Variants in UBR3 observed in about 807,000 individuals in gnomAD.
The protein encoded by UBR3 is ubiquitin protein ligase E3 component n-recognin 3, also known as E3 ubiquitin-protein ligase UBR3.
UBR3 carries 85 observed loss-of-function variants against 243.2 expected under a neutral mutation model. The ratio of observed to expected loss-of-function variants is 0.35; its 90% confidence interval spans 0.29 to 0.42. UBR3 has a LOEUF of 0.42. Among genes scored for constraint, UBR3 ranks in the 10% least tolerant of loss-of-function variants. UBR3 has a pLI of 1.00. For missense variants in UBR3, 1,686 were observed against 2,300.8 expected (o/e 0.73, Z 5.47); for synonymous variants, 748 against 799.8 (o/e 0.94, Z 1.09).
chr2:169,947,461 T>G, intron 21 of UBR3, 81 bp from the exon 22 acceptor site: 4 of 1,130,788 alleles, frequency 3.5e-6, no homozygotes, highest in South Asian at 3.1e-5. Flanking sequence ...CAGTGGATGA[T>G]TTTGGGGGGC....
At chr2:170,067,714 A>C (rs1221802778) in intron 35 of UBR3, among the ~76,000 whole-genome samples, 4 of 152,130 alleles carry the variant, frequency 2.6e-5, no homozygotes, top group Admixed American at 1.3e-4. Context: ...CAAATCTGTG[A>C]TAAGCATCAT....
chr2:169,829,484 C>T (rs1013404086), intron 1 of UBR3, among the ~76,000 whole-genome samples: 1 of 140,694 alleles, frequency 7.1e-6, no homozygotes, highest in Non-Finnish European at 1.5e-5. Context: ...AGTGCAATGG[C>T]GCGACCTCGG....
At chr2:170,031,630 A>G (rs1362639304) in intron 31 of UBR3, among the ~76,000 whole-genome samples, 2 of 152,092 alleles carry the variant, frequency 1.3e-5, no homozygotes, top group Non-Finnish European at 2.9e-5. Context: ...TTTATCATCC[A>G]GGTGTAGTGA....
intron 7 of UBR3, among the ~76,000 whole-genome samples, chr2:169,895,827 T>A (rs755957157): frequency 2.6e-5 from 4 of 152,150 alleles, no homozygotes; most frequent in African/African-American, 4.8e-5. Flanking sequence ...CACCTGTTAC[T>A]ATCTTACGGT....
intron 1 of UBR3, among the ~76,000 whole-genome samples, chr2:169,849,080 C>T (rs2082576015): frequency 6.6e-6 from 1 of 152,220 alleles, no homozygotes; most frequent in African/African-American, 2.4e-5. Context: ...CACCACCAGA[C>T]TGGCAAGCAA....
At chr2:170,005,818 CAT>C (rs2089893467) in intron 27 of UBR3, among the ~76,000 whole-genome samples, 1 of 151,958 alleles carries the variant, frequency 6.6e-6, no homozygotes, top group East Asian at 1.9e-4. Flanking sequence ...ATGAGGAAAA[CAT>C]ATCGAGGTAC....
intron 24 of UBR3, among the ~76,000 whole-genome samples, chr2:169,960,028 A>C (rs1329124792): frequency 6.6e-6 from 1 of 152,060 alleles, no homozygotes; most frequent in Non-Finnish European, 1.5e-5. Flanking sequence ...AGGTGGGTGG[A>C]TCACTTGAGG....
At chr2:169,907,028 A>ATTTC (rs1279963097) in intron 10 of UBR3, among the ~76,000 whole-genome samples, 2 of 141,148 alleles carry the variant, frequency 1.4e-5, no homozygotes, top group Non-Finnish European at 1.5e-5. Flanking sequence ...CTAGGTTCAA[A>ATTTC]TTTCTTTCTT....
intron 1 of UBR3, among the ~76,000 whole-genome samples, chr2:169,863,750 C>T (rs12611877): frequency 0.42 from 63,150 of 152,056 alleles, 15,018 homozygotes; most frequent in Non-Finnish European, 0.54. Flanking sequence ...ACTGGTTCTA[C>T]CTGTAGCCGT....
At chr2:169,936,692 G>C (rs1233252047) in intron 19 of UBR3, among the ~76,000 whole-genome samples, 2 of 151,706 alleles carry the variant, frequency 1.3e-5, no homozygotes, top group Non-Finnish European at 2.9e-5. Context: ...CCACAACAGG[G>C]CCCGGTGTGT....
At position 169,842,595 on chromosome 2, in the gene UBR3, C is replaced by T. The variant is rs558239342; in HGVS notation, c.545+14543C>T. On this transcript the variant is annotated intron_variant, in intron 1 of 38. Transcript: ENST00000272793. Reference sequence around the variant, plus strand: ...TCTGCAGCTTCACTCCTGAGCCCAGCGAGACCACGAGCCCGCCAGGAGGAA... The same window carrying T: ...TCTGCAGCTTCACTCCTGAGCCCAGTGAGACCACGAGCCCGCCAGGAGGAA... Among the ~76,000 whole-genome samples the T allele has an allele frequency of 4.6e-5, 7 of 152,162 alleles. No homozygotes were observed. The East Asian group carries it at 9.6e-4, about 21-fold the overall frequency.
At chr2:169,882,240 T>TTGTATA (rs1452473001) in intron 5 of UBR3, among the ~76,000 whole-genome samples, 1 of 137,364 alleles carries the variant, frequency 7.3e-6, no homozygotes, top group Non-Finnish European at 1.5e-5. Context: ...TATATTTATA[T>TTGTATA]TGTATATGTA....
chr2:170,000,277 A>G (rs1383453997), intron 26 of UBR3, among the ~76,000 whole-genome samples: 1 of 152,242 alleles, frequency 6.6e-6, no homozygotes, highest in Non-Finnish European at 1.5e-5. Context: ...TCTTGTGACT[A>G]GATTTGTACT....
rs201665000 is a variant in UBR3 at position 169,909,741 on chromosome 2, G to A, written c.1779+3577G>A. Among the ~76,000 whole-genome samples, 28 of 149,622 alleles carry A rather than the reference G, an allele frequency of 1.9e-4. No individual in the cohort carries two copies. The South Asian group carries it at 3.2e-3, about 17-fold the overall frequency. ...CATCCCACAATGCATGTGTGTGTGTGTATATATATATATATATCTTGAAAC... is the reference window on the plus strand; with the variant it reads ...CATCCCACAATGCATGTGTGTGTGTATATATATATATATATATCTTGAAAC... On this transcript the variant is annotated intron_variant, in intron 10 of 38. Coordinates refer to ENST00000272793, the MANE Select transcript of UBR3 (RefSeq NM_172070.4).
intron 5 of UBR3, among the ~76,000 whole-genome samples, chr2:169,884,287 G>C (rs890480895): frequency 6.6e-6 from 1 of 151,270 alleles, no homozygotes; most frequent in African/African-American, 2.4e-5. Flanking sequence ...CGAGTAGCTG[G>C]GACTACAGGC....
intron 5 of UBR3, among the ~76,000 whole-genome samples, chr2:169,886,499 A>C (rs1200258776): frequency 6.6e-6 from 1 of 152,166 alleles, no homozygotes; most frequent in Admixed American, 6.6e-5. Context: ...TTCTAGAAAG[A>C]TTTTTATTTC....
At chr2:169,862,807 A>T (rs2083136439) in intron 1 of UBR3, among the ~76,000 whole-genome samples, 1 of 152,116 alleles carries the variant, frequency 6.6e-6, no homozygotes, top group Non-Finnish European at 1.5e-5. Context: ...CAAATATGTC[A>T]TTTAATGTTT....
intron 23 of UBR3, among the ~76,000 whole-genome samples, chr2:169,953,537 G>T (rs924779266): frequency 5.3e-5 from 8 of 152,202 alleles, no homozygotes; most frequent in African/African-American, 1.9e-4. Flanking sequence ...TCCTGAATCT[G>T]CCAGAACTTG....
chr2:169,829,457 CTT>C (rs781551925), intron 1 of UBR3, among the ~76,000 whole-genome samples: 8 of 134,528 alleles, frequency 5.9e-5, no homozygotes, highest in Non-Finnish European at 1.1e-4. Flanking sequence ...GAGTTTCTCT[CTT>C]GTTGCCCAAG....
Sources: allele counts gnomAD v4.1 joint callset (sites outside exome capture counted in the v4.1 genomes callset), GRCh38; gene constraint gnomAD v4.1.1; transcripts MANE v1.5; gene names NCBI Gene and HGNC (gene_info 2026-07-23, HGNC 2026-07-21).